SLC44A5: variants seen among roughly 807,000 people sequenced by gnomAD.
The protein encoded by SLC44A5 is solute carrier family 44 member 5, also known as choline transporter-like protein 5.
SLC44A5 carries 57 observed loss-of-function variants against 101.8 expected under a neutral mutation model. The ratio of observed to expected loss-of-function variants is 0.56; its 90% CI spans 0.45 to 0.70. The LOEUF is 0.70. Ranked by LOEUF, SLC44A5 falls within the 30% of genes least tolerant of loss-of-function variation. The pLI is 0.00. For missense variants in SLC44A5, 737 were observed against 853.1 expected (o/e 0.86, Z 1.70); for synonymous variants, 281 against 290.9 (o/e 0.97, Z 0.35).
chr1:75,371,706 T>A (rs1660236337), intron 3 of SLC44A5, among the ~76,000 whole-genome samples: 1 of 152,242 alleles, frequency 6.6e-6, no homozygotes. Context: ...TTTGTATTAC[T>A]TTAGACTAAC....
chr1:75,390,143 T>G (rs572974112), intron 3 of SLC44A5, among the ~76,000 whole-genome samples: 11 of 151,628 alleles, frequency 7.3e-5, no homozygotes, highest in African/African-American at 2.7e-4. Flanking sequence ...CAATAATGAA[T>G]TCTGAAATAG....
At chr1:75,622,746 C>T in the SLC44A5 span, among the ~76,000 whole-genome samples, 2 of 152,194 alleles carry the variant, frequency 1.3e-5, no homozygotes, top group Non-Finnish European at 2.9e-5. Flanking sequence ...CTTTAATACT[C>T]CAGTTGGCCT....
chr1:75,368,643 G>GCA (rs10598515), intron 3 of SLC44A5, among the ~76,000 whole-genome samples: 3,428 of 143,996 alleles, frequency 0.024, 63 homozygotes, highest in African/African-American at 0.036. Context: ...AAATGTGCAT[G>GCA]CACACACACA....
At chr1:75,577,025 T>A (rs1410168578) in intron 1 of SLC44A5, among the ~76,000 whole-genome samples, 1 of 152,202 alleles carries the variant, frequency 6.6e-6, no homozygotes, top group Non-Finnish European at 1.5e-5. Flanking sequence ...GTCTTCCCAA[T>A]GCTTTTCCCA....
chr1:75,338,407 C>G (rs1042098381), intron 4 of SLC44A5, among the ~76,000 whole-genome samples: 5 of 152,130 alleles, frequency 3.3e-5, no homozygotes, highest in African/African-American at 4.8e-5. Context: ...TCTGTATTTC[C>G]TCTTTCTAAA....
At chr1:75,464,781 A>C (rs1171460173) in intron 2 of SLC44A5, among the ~76,000 whole-genome samples, 1 of 152,190 alleles carries the variant, frequency 6.6e-6, no homozygotes, top group Non-Finnish European at 1.5e-5. Context: ...ATATGAAGAG[A>C]CAAAGGTCTC....
At chr1:75,654,992 C>A in the SLC44A5 span, among the ~76,000 whole-genome samples, 6 of 152,094 alleles carry the variant, frequency 3.9e-5, no homozygotes, top group African/African-American at 1.4e-4. Flanking sequence ...ATAATGCCTC[C>A]AATCTTTTCA....
chr1:75,488,729 G>C (rs1668284525), intron 2 of SLC44A5, among the ~76,000 whole-genome samples: 1 of 152,152 alleles, frequency 6.6e-6, no homozygotes, highest in Non-Finnish European at 1.5e-5. Flanking sequence ...TCTGTCATGT[G>C]ATAATCAGAT....
intron 3 of SLC44A5, among the ~76,000 whole-genome samples, chr1:75,349,857 C>G (rs776128757): frequency 2.0e-4 from 30 of 151,816 alleles, no homozygotes; most frequent in Non-Finnish European, 4.4e-5. Context: ...TATAAGTATG[C>G]AGGCTGCAAT....
intron 5 of SLC44A5, among the ~76,000 whole-genome samples, chr1:75,297,410 G>A (rs1162120975): frequency 1.3e-5 from 2 of 151,974 alleles, no homozygotes; most frequent in African/African-American, 4.8e-5. Context: ...TCAGCCTCCC[G>A]AGTAGCTGAG....
At chr1:75,273,291 T>C (rs1325737635) in intron 6 of SLC44A5, among the ~76,000 whole-genome samples, 1 of 152,142 alleles carries the variant, frequency 6.6e-6, no homozygotes, top group Admixed American at 6.6e-5. Context: ...TGGATGAGTC[T>C]TTAGTTTTCT....
chr1:75,585,381 T>A (rs186352207), intron 1 of SLC44A5, among the ~76,000 whole-genome samples: 1 of 152,250 alleles, frequency 6.6e-6, no homozygotes, highest in Non-Finnish European at 1.5e-5. Context: ...TTCAGTTTTA[T>A]ACTATATCAA....
At chr1:75,526,419 G>A (rs1670409671) in intron 2 of SLC44A5, among the ~76,000 whole-genome samples, 1 of 152,192 alleles carries the variant, frequency 6.6e-6, no homozygotes, top group African/African-American at 2.4e-5. Context: ...GAAAAGGCCG[G>A]TTCCAGGCCA....
At chr1:75,267,123 C>T (rs1651061406) in intron 6 of SLC44A5, among the ~76,000 whole-genome samples, 1 of 152,100 alleles carries the variant, frequency 6.6e-6, no homozygotes. Flanking sequence ...AGTGACTGGC[C>T]CATTGGAGGA....
chr1:75,605,403 C>T (rs1675264683), intron 1 of SLC44A5, among the ~76,000 whole-genome samples: 1 of 151,940 alleles, frequency 6.6e-6, no homozygotes, highest in South Asian at 2.1e-4. Context: ...CAATGCAGCT[C>T]TCATCCAAAA....
chr1:75,473,337 CT>C (rs1667211607), intron 2 of SLC44A5, among the ~76,000 whole-genome samples: 1 of 152,078 alleles, frequency 6.6e-6, no homozygotes, highest in South Asian at 2.1e-4. Context: ...AAAAACATAG[CT>C]TACAAGATGA....
At chr1:75,227,882 T>G (rs770592355) in intron 12 of SLC44A5, 25 bp from the exon 13 acceptor site, 1 of 1,558,088 alleles carries the variant, frequency 6.4e-7, no homozygotes, top group East Asian at 2.3e-5. Context: ...AAAAACAGAA[T>G]AATATAAAAT....
chr1:75,496,103 T>C (rs1254560582), intron 2 of SLC44A5, among the ~76,000 whole-genome samples: 1 of 151,970 alleles, frequency 6.6e-6, no homozygotes, highest in African/African-American at 2.4e-5. Context: ...AGAAATGAAA[T>C]CCTAAAATTT....
intron 4 of SLC44A5, among the ~76,000 whole-genome samples, chr1:75,337,731 A>G (rs949589620): frequency 6.6e-6 from 1 of 152,180 alleles, no homozygotes; most frequent in Non-Finnish European, 1.5e-5. Context: ...CACCTCTCCT[A>G]TGCATGACCA....
Sources: gnomAD v4.1 joint callset for allele counts (sites outside exome capture counted in the v4.1 genomes callset) on GRCh38, gnomAD v4.1.1 for gene constraint, MANE v1.5 for transcripts, NCBI Gene and HGNC (gene_info 2026-07-23, HGNC 2026-07-21) for gene names.